ST18: variants seen among roughly 807,000 people sequenced by gnomAD.
ST18 encodes ST18 C2H2C-type zinc finger transcription factor.
Under a neutral mutation model 110.0 loss-of-function variants are expected in ST18, and 50 were observed. That is an observed-to-expected ratio of 0.45 (90% CI 0.36 to 0.58). The LOEUF (loss-of-function observed/expected upper bound fraction) is 0.58, where lower values mean the gene tolerates loss of function less well. Among genes scored for constraint, ST18 ranks in the 20% least tolerant of loss-of-function variants. The pLI, the probability that ST18 is intolerant of heterozygous loss-of-function variation, is 0.00. For synonymous variants in ST18, 461 were observed against 452.4 expected (o/e 1.02, Z -0.24); for missense variants, 1,306 against 1,280.1 (o/e 1.02, Z -0.31).
intron 2 of ST18, among the ~76,000 whole-genome samples, chr8:52,336,799 T>G (rs60318183): frequency 0.02 from 3,113 of 152,280 alleles, 104 homozygotes; most frequent in African/African-American, 0.069. Flanking sequence ...TGAAATATAA[T>G]CAATTAATTT....
intron 2 of ST18, among the ~76,000 whole-genome samples, chr8:52,344,343 A>G (rs971883488): frequency 6.6e-6 from 1 of 152,164 alleles, no homozygotes; most frequent in Non-Finnish European, 1.5e-5. Flanking sequence ...AGGAGCATGG[A>G]AAGTGTCTTA....
At chr8:52,309,691 G>A (rs943211002) in intron 2 of ST18, among the ~76,000 whole-genome samples, 2 of 151,628 alleles carry the variant, frequency 1.3e-5, no homozygotes, top group Non-Finnish European at 2.9e-5. Flanking sequence ...AAATAAGTAG[G>A]AAAGTAGTAC....
chr8:52,141,477 C>G (rs539318774), intron 17 of ST18, among the ~76,000 whole-genome samples: 1 of 152,160 alleles, frequency 6.6e-6, no homozygotes, highest in Admixed American at 6.5e-5. Flanking sequence ...AGAGCAAAGA[C>G]GGAGGAGAGA....
intron 2 of ST18, among the ~76,000 whole-genome samples, chr8:52,283,037 G>T (rs2095412608): frequency 6.6e-6 from 1 of 152,176 alleles, no homozygotes; most frequent in Non-Finnish European, 1.5e-5. Flanking sequence ...CAGCCTAGAG[G>T]TGATCAAGGT....
rs951377183 is a variant in ST18 at position 52,171,873 on chromosome 8, A to T, written c.988T>A (p.Phe330Ile). The T allele has an allele frequency of 6.2e-7, 1 of 1,614,190 alleles. No individual in the cohort carries two copies. Among genetic ancestry groups the T allele is most frequent in the East Asian group, 2.2e-5 (1 of 44,884 alleles). The change falls in exon 10 of 26, where the codon TTC becomes ATC. Residue 330 changes from phenylalanine to isoleucine, a missense_variant. Transcript: ENST00000689386. ...FHNTYKELDR[F>I]LLEHLAGERR... is the part of the protein sequence containing the mutation. The stretch of plus-strand genomic sequence containing the variant: ...TCCCCTGCTAGGTGCTCCAGCAGGA[A>T]CCTATCCAGCTCTTTGTAGGTGTTA...
At chr8:52,167,177 G>A (rs2063297100) in intron 10 of ST18, among the ~76,000 whole-genome samples, 191 bp from the exon 11 acceptor site, 1 of 152,118 alleles carries the variant, frequency 6.6e-6, no homozygotes, top group African/African-American at 2.4e-5. Flanking sequence ...AATTTTCTTG[G>A]TTTCCTAAGT....
intron 2 of ST18, among the ~76,000 whole-genome samples, chr8:52,252,295 T>C (rs1226843661): frequency 6.6e-6 from 1 of 152,044 alleles, no homozygotes; most frequent in Non-Finnish European, 1.5e-5. Flanking sequence ...GGTTAATTTA[T>C]CTAATGAGAA....
intron 2 of ST18, among the ~76,000 whole-genome samples, chr8:52,336,813 TA>T (rs549347510): frequency 3.9e-5 from 6 of 152,184 alleles, no homozygotes; most frequent in Non-Finnish European, 7.4e-5. Flanking sequence ...TTAATTTTTT[TA>T]AAAAAGACCA....
intron 12 of ST18, 85 bp from the exon 13 acceptor site, chr8:52,164,175 A>G (rs958123992): frequency 7.3e-6 from 8 of 1,099,302 alleles, no homozygotes; most frequent in Admixed American, 5.2e-5. Flanking sequence ...CACACTTGGC[A>G]CACACTAAAT....
At position 52,149,737 on chromosome 8, in the gene ST18, TCTC is replaced by T. The variant is rs752916135; in HGVS notation, c.2044_2046del (p.Glu682del). The T allele has an allele frequency of 7.4e-6, 12 of 1,613,668 alleles. No individual in the cohort carries two copies. In the Admixed American group the frequency reaches 8.3e-5, roughly 11 times the overall value. ...TTGACATATGGAAACAATACCTCTT[TCTC>T]CTCCTCTGTCTTCCCGTGAGTTTTG... On this transcript the variant is annotated inframe_deletion, in exon 16 of 26. Coordinates refer to ENST00000689386, the MANE Select transcript of ST18 (RefSeq NM_001352837.2).
intron 19 of ST18, among the ~76,000 whole-genome samples, chr8:52,135,778 C>T (rs1174914863): frequency 7.2e-5 from 11 of 151,810 alleles, no homozygotes. Flanking sequence ...GAAGGACTAA[C>T]AAAATACTAA....
chr8:52,395,792 C>T (rs894344169), intron 2 of ST18, among the ~76,000 whole-genome samples: 2 of 152,262 alleles, frequency 1.3e-5, no homozygotes, highest in Admixed American at 6.5e-5. Flanking sequence ...TACTCTCCAA[C>T]CTAAATATCT....
chr8:52,273,521 A>G (rs1445937412), intron 2 of ST18, among the ~76,000 whole-genome samples: 1 of 152,194 alleles, frequency 6.6e-6, no homozygotes, highest in Non-Finnish European at 1.5e-5. Flanking sequence ...AATTCCCCAC[A>G]TCTAAGAGTT....
intron 2 of ST18, among the ~76,000 whole-genome samples, chr8:52,328,965 C>T (rs868131319): frequency 6.6e-6 from 1 of 152,062 alleles, no homozygotes; most frequent in Non-Finnish European, 1.5e-5. Context: ...ATTCATAAAA[C>T]GCAACTTTCC....
intron 2 of ST18, among the ~76,000 whole-genome samples, chr8:52,372,146 G>T (rs565094830): frequency 8.1e-4 from 123 of 152,292 alleles, no homozygotes; most frequent in Admixed American, 1.4e-3. Context: ...TGATATTGAT[G>T]ATCCTGACCC....
chr8:52,306,540 G>T (rs548069941), intron 2 of ST18, among the ~76,000 whole-genome samples: 1 of 152,346 alleles, frequency 6.6e-6, no homozygotes, highest in East Asian at 1.9e-4. Context: ...AGTAAGTCTG[G>T]TGTGTGAGGT....
chr8:52,393,455 C>T (rs775227704), intron 2 of ST18: 19 of 152,116 alleles, frequency 1.2e-4, no homozygotes, highest in Non-Finnish European at 2.4e-4. Flanking sequence ...ACCAGTTTCA[C>T]GTGGTCAATC....
intron 2 of ST18, among the ~76,000 whole-genome samples, chr8:52,333,618 G>T (rs962416377): frequency 6.6e-6 from 1 of 152,188 alleles, no homozygotes; most frequent in African/African-American, 2.4e-5. Flanking sequence ...CCAGGGAAGA[G>T]ATAAAGGAAA....
At chr8:52,145,437 G>A (rs943290619) in intron 16 of ST18, among the ~76,000 whole-genome samples, 7 of 152,020 alleles carry the variant, frequency 4.6e-5, no homozygotes, top group Non-Finnish European at 7.4e-5. Flanking sequence ...TGAAATAATT[G>A]TCTTTTCCCC....
Sources: gnomAD v4.1 joint callset for allele counts (sites outside exome capture counted in the v4.1 genomes callset) on GRCh38, gnomAD v4.1.1 for gene constraint, MANE v1.5 for transcripts, NCBI Gene and HGNC (gene_info 2026-07-23, HGNC 2026-07-21) for gene names.